The following SGCD variants were observed in gnomAD, a reference collection of about 807,000 sequenced individuals.
SGCD encodes the protein delta-sarcoglycan.
A neutral mutation model predicts 36.6 loss-of-function variants in SGCD; 18 were observed. The ratio of observed to expected loss-of-function variants is 0.49; its 90% CI spans 0.34 to 0.73. SGCD has a LOEUF of 0.73. Among genes scored for constraint, SGCD ranks in the 30% least tolerant of loss-of-function variants. The pLI is 0.01. For synonymous variants in SGCD, 133 were observed against 130.6 expected (o/e 1.02, Z -0.12); for missense variants, 387 against 346.7 (o/e 1.12, Z -0.92).
intron 4 of SGCD, among the ~76,000 whole-genome samples, chr5:156,586,409 T>G (rs1392934639): frequency 2.0e-5 from 3 of 152,190 alleles, no homozygotes; most frequent in Non-Finnish European, 4.4e-5. Context: ...TGAGGTAGTG[T>G]TGGTCAGATA....
At chr5:156,158,098 T>A (rs1272537237) in intron 3 of SGCD, among the ~76,000 whole-genome samples, 1 of 151,306 alleles carries the variant, frequency 6.6e-6, no homozygotes, top group Non-Finnish European at 1.5e-5. Context: ...AGCCCTTAGG[T>A]TCCCACTGGT....
At chr5:156,578,308 G>A (rs917346133) in intron 4 of SGCD, among the ~76,000 whole-genome samples, 6 of 152,240 alleles carry the variant, frequency 3.9e-5, no homozygotes, top group East Asian at 3.9e-4. Context: ...TGCTGGATTC[G>A]ATTTGCCAGT....
At chr5:156,236,188 AT>A (rs999020728) in intron 3 of SGCD, among the ~76,000 whole-genome samples, 39 of 151,354 alleles carry the variant, frequency 2.6e-4, no homozygotes, top group Admixed American at 5.3e-4. Flanking sequence ...CGGTTAAATC[AT>A]TTTTTTTTCT....
chr5:156,607,029 C>T (rs1457400488), intron 6 of SGCD, among the ~76,000 whole-genome samples: 1 of 152,202 alleles, frequency 6.6e-6, no homozygotes, highest in Non-Finnish European at 1.5e-5. Flanking sequence ...TAATTGAATA[C>T]TCTTTGCTTC....
upstream of SGCD, among the ~76,000 whole-genome samples, chr5:155,865,767 A>G (rs141387531): frequency 1.4e-3 from 208 of 152,322 alleles, no homozygotes; most frequent in Middle Eastern, 6.8e-3. Context: ...CTCATCAGAA[A>G]AGCCTTTACA....
chr5:156,723,347 T>G (rs926465730), intron 7 of SGCD, among the ~76,000 whole-genome samples: 3 of 152,198 alleles, frequency 2.0e-5, no homozygotes, highest in African/African-American at 7.2e-5. Context: ...GTGCCAGAGT[T>G]TCAACGGTGA....
chr5:156,456,089 G>A (rs1754245751), intron 3 of SGCD, among the ~76,000 whole-genome samples: 1 of 152,152 alleles, frequency 6.6e-6, no homozygotes, highest in African/African-American at 2.4e-5. Context: ...GTATTACTCT[G>A]CTATGACCAT....
the SGCD span, among the ~76,000 whole-genome samples, chr5:155,857,004 C>A: frequency 1.3e-5 from 2 of 152,054 alleles, no homozygotes; most frequent in East Asian, 3.9e-4. Context: ...GAGACAGAGG[C>A]GGGTGGATTA....
chr5:156,485,164 T>A (rs543808863), intron 3 of SGCD, among the ~76,000 whole-genome samples: 5 of 152,336 alleles, frequency 3.3e-5, no homozygotes, highest in Non-Finnish European at 7.4e-5. Flanking sequence ...AGACATGGAC[T>A]GAGGGCTGTT....
chr5:155,807,413 G>A, the SGCD span, among the ~76,000 whole-genome samples: 1 of 152,214 alleles, frequency 6.6e-6, no homozygotes, highest in Non-Finnish European at 1.5e-5. Context: ...AAGTAATTGG[G>A]ATTCACTTGT....
chr5:155,890,071 G>C (rs1443249509), intron 1 of SGCD, among the ~76,000 whole-genome samples: 1 of 151,840 alleles, frequency 6.6e-6, no homozygotes, highest in African/African-American at 2.4e-5. Flanking sequence ...CTGACTCATG[G>C]TTGACACATG....
intron 1 of SGCD, among the ~76,000 whole-genome samples, chr5:156,109,257 T>C (rs1382549677): frequency 1.3e-5 from 2 of 152,148 alleles, no homozygotes; most frequent in South Asian, 2.1e-4. Context: ...CATTCTTTTT[T>C]CCTCCTTCAC....
At chr5:156,703,802 C>T (rs1334888857) in intron 7 of SGCD, among the ~76,000 whole-genome samples, 1 of 152,078 alleles carries the variant, frequency 6.6e-6, no homozygotes, top group Non-Finnish European at 1.5e-5. Context: ...TTTCTCCCAC[C>T]ATGTATTAAT....
chr5:156,673,562 C>T (rs1350455416), intron 7 of SGCD, among the ~76,000 whole-genome samples: 1 of 152,106 alleles, frequency 6.6e-6, no homozygotes, highest in African/African-American at 2.4e-5. Context: ...CAAATATAAC[C>T]TGACTCGTTA....
At chr5:156,513,988 C>T (rs1325548197) in intron 4 of SGCD, among the ~76,000 whole-genome samples, 1 of 152,162 alleles carries the variant, frequency 6.6e-6, no homozygotes. Context: ...TGCATTAGCA[C>T]AAAAGGTTGT....
chr5:156,473,088 A>G (rs906616618), intron 3 of SGCD, among the ~76,000 whole-genome samples: 19 of 152,224 alleles, frequency 1.2e-4, no homozygotes, highest in South Asian at 2.1e-4. Context: ...AATTACAACT[A>G]GGAATTTTCA....
At chr5:155,954,324 G>T (rs146219883) in intron 1 of SGCD, among the ~76,000 whole-genome samples, 1 of 152,082 alleles carries the variant, frequency 6.6e-6, no homozygotes, top group Non-Finnish European at 1.5e-5. Flanking sequence ...TCATAAATTC[G>T]CTTTCGACTG....
intron 3 of SGCD, among the ~76,000 whole-genome samples, chr5:156,405,562 A>T (rs892454325): frequency 2.0e-5 from 3 of 152,214 alleles, no homozygotes; most frequent in Admixed American, 2.0e-4. Flanking sequence ...TAGAAATCAC[A>T]GATTGAAAAT....
At chr5:155,947,353 T>C (rs1757460192) in intron 1 of SGCD, among the ~76,000 whole-genome samples, 1 of 151,706 alleles carries the variant, frequency 6.6e-6, no homozygotes, top group South Asian at 2.1e-4. Flanking sequence ...TTTTGGTTTT[T>C]TTTTTATTAT....
Sources: allele counts gnomAD v4.1 joint callset (sites outside exome capture counted in the v4.1 genomes callset), GRCh38; gene constraint gnomAD v4.1.1; transcripts MANE v1.5; gene names NCBI Gene and HGNC (gene_info 2026-07-23, HGNC 2026-07-21).